Variants in CNGB3 observed in about 807,000 individuals in gnomAD.
CNGB3 encodes the protein cyclic nucleotide-gated channel beta-3.
CNGB3 carries 86 observed loss-of-function variants against 92.8 expected under a neutral mutation model. The observed-to-expected ratio is 0.93, with a 90% CI of 0.78 to 1.11. CNGB3 has a LOEUF of 1.11. Ranked by LOEUF, CNGB3 falls within the 50% of genes least tolerant of loss-of-function variation. The pLI, the probability that CNGB3 is intolerant of heterozygous loss-of-function variation, is 0.00. For synonymous variants in CNGB3, 333 were observed against 332.7 expected (o/e 1.00, Z -0.01); for missense variants, 1,026 against 956.8 (o/e 1.07, Z -0.95).
At chr8:86,614,343 C>A (rs1563727193) in intron 13 of CNGB3, among the ~76,000 whole-genome samples, 1 of 152,098 alleles carries the variant, frequency 6.6e-6, no homozygotes, top group Non-Finnish European at 1.5e-5. Context: ...CACAGCAAGG[C>A]CCCATGGAAC....
At chr8:86,614,910 A>G (rs73690939) in intron 13 of CNGB3, among the ~76,000 whole-genome samples, 1,527 of 152,282 alleles carry the variant, frequency 0.01, 28 homozygotes, top group African/African-American at 0.032. Flanking sequence ...ATGAGAGGAA[A>G]TCCTAAAAAT....
At chr8:86,680,400 G>A (rs983497720) in intron 3 of CNGB3, among the ~76,000 whole-genome samples, 10 of 152,214 alleles carry the variant, frequency 6.6e-5, no homozygotes, top group Admixed American at 4.6e-4. Context: ...AGTCACAGGA[G>A]ACGTTCATTG....
intron 4 of CNGB3, 122 bp downstream of exon 4, chr8:86,670,817 CAAAAT>C: frequency 9.5e-7 from 1 of 1,050,482 alleles, no homozygotes; most frequent in Non-Finnish European, 1.5e-6. Context: ...GGATTACTCT[CAAAAT>C]AAACTGTACG....
Position 86,626,214 on chromosome 8 carries a change from G to C in CNGB3, c.1481-134C>G, listed in dbSNP as rs1822845006. 4.3e-6 allele frequency: 3 copies of C among 701,292 alleles called. No individual in the cohort carries two copies. In the East Asian group the frequency reaches 8.1e-5, roughly 19 times the overall value. The allele number at this position is 701,292 out of a possible 1,614,324, so 43.4% of individuals were successfully genotyped here. On this transcript the variant is annotated intron_variant, in intron 12 of 17. Coordinates refer to ENST00000320005, the MANE Select transcript of CNGB3 (RefSeq NM_019098.5). ...TTTTTATACATAATTAGATGCATCA[G>C]ATTCTATATTTTCATTACTTCTATT...
chr8:86,672,170 C>G (rs1270148175), intron 3 of CNGB3, among the ~76,000 whole-genome samples: 1 of 152,122 alleles, frequency 6.6e-6, no homozygotes, highest in Non-Finnish European at 1.5e-5. Flanking sequence ...GTGATCTTGG[C>G]TCACTGCAAT....
In CNGB3 at chr8:86,629,045, G is replaced by C; in HGVS notation, c.1354C>G (p.Gln452Glu). The change falls in exon 12 of 18, where the codon CAG becomes GAG. Residue 452 changes from glutamine (Q) to glutamate (E), a missense_variant. Physicochemically the swap from Gln to Glu is conservative, Grantham distance 29 (BLOSUM62 2). Coordinates refer to ENST00000320005, the MANE Select transcript of CNGB3 (RefSeq NM_019098.5). ...TCCATGCAGGCGCGGAAGTAGTTCTGATTGGCTGTAGCTGCTCCAATCACA... is the reference window on the plus strand; with the variant it reads ...TCCATGCAGGCGCGGAAGTAGTTCTCATTGGCTGTAGCTGCTCCAATCACA... ...RDVIGAATANQNYFRACMDDT... is the reference protein window; with the variant it reads ...RDVIGAATANENYFRACMDDT... 1.2e-6 allele frequency: 2 copies of C among 1,614,014 alleles called. No individual in the cohort carries two copies. Among genetic ancestry groups the C allele is most frequent in the Non-Finnish European group, 1.7e-6 (2 of 1,179,948 alleles).
At chr8:86,681,267 C>T (rs577318091) in intron 3 of CNGB3, among the ~76,000 whole-genome samples, 3 of 151,740 alleles carry the variant, frequency 2.0e-5, no homozygotes, top group African/African-American at 7.3e-5. Context: ...AGATAAGAGA[C>T]GTGAAGAGAA....
chr8:86,658,715 C>T (rs574920972), intron 6 of CNGB3: 15 of 442,246 alleles, frequency 3.4e-5, no homozygotes, highest in South Asian at 2.4e-4. Flanking sequence ...TGTGCTGCTC[C>T]GACTGTGGTG....
intron 5 of CNGB3, 135 bp from the exon 6 acceptor site, chr8:86,667,268 A>G (rs1823762123): frequency 1.3e-6 from 1 of 744,220 alleles, no homozygotes; most frequent in South Asian, 1.5e-5. Flanking sequence ...TAAACATTCA[A>G]CACCATTCTG....
At chr8:86,719,561 C>T (rs1338169736) in intron 3 of CNGB3, among the ~76,000 whole-genome samples, 2 of 151,976 alleles carry the variant, frequency 1.3e-5, no homozygotes, top group South Asian at 4.1e-4. Context: ...GTGTAAATGA[C>T]CACACTGCCA....
At chr8:86,578,944 C>G in intron 16 of CNGB3, 81 bp from the exon 17 acceptor site, 1 of 1,580,506 alleles carries the variant, frequency 6.3e-7, no homozygotes, top group South Asian at 1.1e-5. Context: ...GCAATTTATC[C>G]TAACCTGTGT....
chr8:86,613,293 A>AT lies in CNGB3; in HGVS notation c.1579-1623dup, dbSNP rs557729281. 9.2e-5 allele frequency among the ~76,000 whole-genome samples: 14 copies of AT among 152,202 alleles called. No individual in the cohort carries two copies. The South Asian group carries it at 1.9e-3, about 20-fold the overall frequency. On this transcript the variant is annotated intron_variant, in intron 13 of 17. Transcript: ENST00000320005. ...TTTGCTAAAGCAAATTACAAACATAATTTTTTTTCTAAAAGGCATGGTTCT... is the reference window on the plus strand; with the variant it reads ...TTTGCTAAAGCAAATTACAAACATAATTTTTTTTTCTAAAAGGCATGGTTCT...
intron 4 of CNGB3, among the ~76,000 whole-genome samples, chr8:86,669,677 AC>A (rs1823817687): frequency 6.6e-6 from 1 of 152,154 alleles, no homozygotes; most frequent in Non-Finnish European, 1.5e-5. Flanking sequence ...TATTTTGAAA[AC>A]CCACATTCTC....
At chr8:86,661,439 A>G (rs557801066) in intron 6 of CNGB3, 17 of 512,342 alleles carry the variant, frequency 3.3e-5, no homozygotes, top group African/African-American at 2.0e-4. Context: ...TTTATGTTTT[A>G]TAACTCCATG....
intron 3 of CNGB3, among the ~76,000 whole-genome samples, chr8:86,683,818 C>T (rs558818462): frequency 1.2e-4 from 18 of 152,266 alleles, no homozygotes; most frequent in African/African-American, 4.1e-4. Context: ...CCTAAACCTA[C>T]ACCTTATACA....
intron 3 of CNGB3, among the ~76,000 whole-genome samples, chr8:86,683,653 T>C (rs1824125809): frequency 2.6e-5 from 4 of 152,120 alleles, no homozygotes; most frequent in Admixed American, 6.6e-5. Context: ...TATCTACTGC[T>C]AGGGACAGAC....
At chr8:86,710,647 T>C (rs1824733167) in intron 3 of CNGB3, among the ~76,000 whole-genome samples, 2 of 152,150 alleles carry the variant, frequency 1.3e-5, no homozygotes, top group South Asian at 4.1e-4. Flanking sequence ...ATTAAAGAGG[T>C]TGGCTACAAA....
At chr8:86,702,921 C>T (rs190676120) in intron 3 of CNGB3, among the ~76,000 whole-genome samples, 1 of 151,776 alleles carries the variant, frequency 6.6e-6, no homozygotes, top group Admixed American at 6.6e-5. Context: ...TTGCCTTTGT[C>T]ATTTCTTCCA....
chr8:86,626,277 ATGC>A (rs1449734627), intron 12 of CNGB3, among the ~76,000 whole-genome samples, 197 bp from the exon 13 acceptor site: 59 of 152,332 alleles, frequency 3.9e-4, no homozygotes, highest in Admixed American at 1.8e-3. Context: ...TATTATGCTT[ATGC>A]AATAAAAGAA....
Sources: gnomAD v4.1 joint callset for allele counts (sites outside exome capture counted in the v4.1 genomes callset) on GRCh38, gnomAD v4.1.1 for gene constraint, MANE v1.5 for transcripts, NCBI Gene and HGNC (gene_info 2026-07-23, HGNC 2026-07-21) for gene names.